Variants in PSD observed in about 807,000 individuals in gnomAD.
PSD encodes PH and SEC7 domain-containing protein 1.
Under a neutral mutation model 91.6 loss-of-function variants are expected in PSD, and 32 were observed. The observed-to-expected ratio is 0.35, with a 90% confidence interval of 0.26 to 0.47. PSD has a LOEUF of 0.47. PSD is among the 20% of genes least tolerant of loss of function. PSD has a pLI of 1.00. For synonymous variants in PSD, 532 were observed against 569.3 expected (o/e 0.93, Z 0.93); for missense variants, 1,099 against 1,373.9 (o/e 0.80, Z 3.16).
rs1222572823 is a variant in PSD at position 102,404,779 on chromosome 10, G to A, written c.2556-52C>T. 2.6e-6 allele frequency: 4 copies of A among 1,555,616 alleles called. No homozygotes were observed. Among genetic ancestry groups the A allele is most frequent in the Middle Eastern group, 1.7e-4 (1 of 5,770 alleles). On this transcript the variant is annotated intron_variant, in intron 14 of 16. Transcript: ENST00000020673. This position sits in a 1 kb window ranked among gnomAD's most constrained non-coding sequence, Gnocchi z 5.7. ...ACCTGGGCCCAGGGTTTCTGTCCCAGGATGCCAGTCCTGGCTCAAGTGTGG... is the reference window on the plus strand; with the variant it reads ...ACCTGGGCCCAGGGTTTCTGTCCCAAGATGCCAGTCCTGGCTCAAGTGTGG...
In PSD at chr10:102,403,572, G is replaced by T. The variant is rs2061312839; in HGVS notation, c.2845-142C>A. The T allele has an allele frequency of 1.4e-5, 12 of 884,140 alleles. No homozygotes were observed. The South Asian group carries it at 1.8e-4, about 13-fold the overall frequency. 54.8% of individuals were successfully genotyped at this position (884,140 alleles called of 1,614,324 possible). A position where few individuals can be genotyped will look rare whatever the true frequency, so the allele number is the denominator to read the frequency against. On this transcript the variant is annotated intron_variant, in intron 16 of 16. Coordinates refer to ENST00000020673, the MANE Select transcript of PSD (RefSeq NM_002779.5). This position sits in a 1 kb window ranked among gnomAD's most constrained non-coding sequence, Gnocchi z 6.7. ...GTGAGATGGTCCCATGCGGGCTGGT[G>T]CCCCCTCTGGGCTCTCCTGGGACCA...
At chr10:102,412,059 G>A (rs1354278890) in intron 7 of PSD, 88 bp downstream of exon 7, 13 of 1,367,888 alleles carry the variant, frequency 9.5e-6, no homozygotes, top group African/African-American at 1.4e-5. Flanking sequence ...ACGGCTTGTG[G>A]GGGACAGAGG....
intron 11 of PSD, among the ~76,000 whole-genome samples, chr10:102,406,856 T>G (rs533591330): frequency 6.6e-6 from 1 of 152,208 alleles, no homozygotes; most frequent in Non-Finnish European, 1.5e-5. Flanking sequence ...CATGGTTACT[T>G]GTTTTGTTCT....
In PSD at chr10:102,411,050, C is replaced by G; in HGVS notation, c.2001+8G>C. 6.2e-7 allele frequency: 1 copy of G among 1,613,128 alleles called. No homozygotes were observed. Among genetic ancestry groups the G allele is most frequent in the East Asian group, 2.2e-5 (1 of 44,848 alleles). On this transcript the variant is annotated splice_region_variant and intron_variant, in intron 9 of 16. Transcript: ENST00000020673. ...TTTTCCGGCTCCTGCCCGCCCGCCT[C>G]CACTCACATGGCCGTGGAGATCCGT...
chr10:102,414,755 C>T lies in PSD; in HGVS notation c.1124+108G>A, dbSNP rs1192158012. 1.4e-6 allele frequency: 2 copies of T among 1,404,608 alleles called. No homozygotes were observed. Among genetic ancestry groups the T allele is most frequent in the Non-Finnish European group, 9.4e-7 (1 of 1,060,446 alleles). The allele number at this position is 1,404,608 out of a possible 1,614,324, so 87.0% of individuals were successfully genotyped here. On this transcript the variant is annotated intron_variant, in intron 4 of 16. Transcript: ENST00000020673. The surrounding 1 kb of genome is among the most constrained non-coding windows in gnomAD (Gnocchi z 5.6). Reference sequence around the variant, plus strand: ...GCTATACACACTGCCCCGCCAGCCCCACACCCATCTCTATCCCAGGCCCTT... The same window carrying T: ...GCTATACACACTGCCCCGCCAGCCCTACACCCATCTCTATCCCAGGCCCTT...
chr10:102,411,625 T>C (rs2061425590), intron 8 of PSD, 82 bp downstream of exon 8: 1 of 1,009,526 alleles, frequency 9.9e-7, no homozygotes, highest in African/African-American at 1.6e-5. Context: ...CACACACTCA[T>C]GCTCCTGTAC....
upstream of PSD, chr10:102,418,970 G>T: frequency 2.9e-6 from 1 of 343,968 alleles, no homozygotes; most frequent in East Asian, 7.8e-5. Flanking sequence ...ACAAGGAGGA[G>T]GGCGCATGGA....
Position 102,416,039 on chromosome 10 carries a change from G to C in PSD, c.735C>G (p.Gly245=), listed in dbSNP as rs2061475425. The C allele has an allele frequency of 6.2e-7, 1 of 1,613,462 alleles. No homozygotes were observed. The highest frequency in any genetic ancestry group is 2.2e-5 in the East Asian group (1 of 44,872). ...IARAKWEFFY[G]SLDPPSSGAK... ...TACCTGAGCTGGGGGGGTCCAAGGA[G>C]CCATAGAAGAATTCCCATTTGGCTC... The change falls in exon 3 of 17, where the codon GGC becomes GGG. Residue 245 remains glycine, a synonymous_variant. Coordinates refer to ENST00000020673, the MANE Select transcript of PSD (RefSeq NM_002779.5). The surrounding 1 kb of genome is among the most constrained non-coding windows in gnomAD (Gnocchi z 6.0).
chr10:102,413,422 T>A (rs1202594870), intron 5 of PSD, among the ~76,000 whole-genome samples: 3 of 152,094 alleles, frequency 2.0e-5, no homozygotes, highest in African/African-American at 7.2e-5. Flanking sequence ...GCCTTCAGGC[T>A]GGGTGAGGGT....
In PSD at chr10:102,403,383, CT is replaced by C; in HGVS notation, c.2891del (p.Lys964ArgfsTer77). The stretch of plus-strand genomic sequence containing the variant: ...CTGCATCCAGCTCCTCACTGCCTGC[CT>C]TCAGCTTGACCCGAAGCAGCGCTGC... Reference protein sequence around the residue: ...TYAALLRVKLKAGSEELDAVE... With the variant: ...TYAALLRVKLXAGSEELDAVE... On this transcript the variant is annotated frameshift_variant, in exon 17 of 17. Transcript: ENST00000020673. LOFTEE classifies it high-confidence loss of function. The surrounding 1 kb of genome is among the most constrained non-coding windows in gnomAD (Gnocchi z 6.7). The C allele has an allele frequency of 6.2e-7, 1 of 1,613,774 alleles. No individual in the cohort carries two copies. Among genetic ancestry groups the C allele is most frequent in the Non-Finnish European group, 8.5e-7 (1 of 1,180,010 alleles).
In PSD at chr10:102,416,308, G is replaced by A; in HGVS notation, c.654+77C>T. Reference sequence around the variant, plus strand: ...ATTAAAGGATTCAGAGTGAACAGCAGACAAGCCCATGTCTGACAGGAGGCT... The same window carrying A: ...ATTAAAGGATTCAGAGTGAACAGCAAACAAGCCCATGTCTGACAGGAGGCT... On this transcript the variant is annotated intron_variant, in intron 2 of 16. Coordinates refer to ENST00000020673, the MANE Select transcript of PSD (RefSeq NM_002779.5). This position sits in a 1 kb window ranked among gnomAD's most constrained non-coding sequence, Gnocchi z 6.0. 1 of 1,492,310 alleles carries A rather than the reference G, an allele frequency of 6.7e-7. No homozygotes were observed. 92.4% of individuals were successfully genotyped at this position (1,492,310 alleles called of 1,614,324 possible). A position where few individuals can be genotyped will look rare whatever the true frequency, so the allele number is the denominator to read the frequency against.
Position 102,410,818 on chromosome 10 carries a change from C to G in PSD, c.2091+40G>C. On this transcript the variant is annotated intron_variant, in intron 10 of 16. Coordinates refer to ENST00000020673, the MANE Select transcript of PSD (RefSeq NM_002779.5). The surrounding 1 kb of genome is among the most constrained non-coding windows in gnomAD (Gnocchi z 6.0). ...CTCCGTCGCCGACTGGGTCCTCCAT[C>G]CTTCCCCTCCAGCGACTTCTACCCT... 1 of 1,473,924 alleles carries G rather than the reference C, an allele frequency of 6.8e-7. No individual in the cohort carries two copies. The highest frequency in any genetic ancestry group is 9.5e-7 in the Non-Finnish European group (1 of 1,054,996). 91.3% of individuals were successfully genotyped at this position (1,473,924 alleles called of 1,614,324 possible). A position where few individuals can be genotyped will look rare whatever the true frequency, so the allele number is the denominator to read the frequency against.
Position 102,416,379 on chromosome 10 carries a change from G to A in PSD, c.654+6C>T. 1.3e-6 allele frequency: 2 copies of A among 1,592,506 alleles called. No individual in the cohort carries two copies. Among genetic ancestry groups the A allele is most frequent in the Non-Finnish European group, 1.7e-6 (2 of 1,170,352 alleles). ...GGGCCCAGGGAGCCCAGGGGAAGTT[G>A]CATACCTGGTTCAGGAATCCAGTGT... On this transcript the variant is annotated splice_donor_region_variant and intron_variant, in intron 2 of 16. Transcript: ENST00000020673. This position sits in a 1 kb window ranked among gnomAD's most constrained non-coding sequence, Gnocchi z 6.0.
In PSD at chr10:102,409,441, G is replaced by T. The variant is rs145091018; in HGVS notation, c.2091+1417C>A. ...CAGCGTGGGTGGCAGCTCCAGGGAG[G>T]CTGAGAGCACCGCTAGGCCTGGGGC... is the stretch of plus-strand genomic sequence containing the variant. On this transcript the variant is annotated intron_variant, in intron 10 of 16. Transcript: ENST00000020673. This position sits in a 1 kb window ranked among gnomAD's most constrained non-coding sequence, Gnocchi z 5.7. Among the ~76,000 whole-genome samples, 82 of 152,256 alleles carry T rather than the reference G, an allele frequency of 5.4e-4. 3 individuals carry two copies. The highest frequency in any genetic ancestry group is 1.7e-3 in the African/African-American group (72 of 41,562).
rs1426919001 is a variant in PSD at position 102,416,125 on chromosome 10, C to T, written c.655-6G>A. 1 of 1,603,832 alleles carries T rather than the reference C, an allele frequency of 6.2e-7. No homozygotes were observed. Among genetic ancestry groups the T allele is most frequent in the South Asian group, 1.1e-5 (1 of 90,348 alleles). The stretch of plus-strand genomic sequence containing the variant: ...GGGGAGGACCAGGTATCCCCCTGAG[C>T]CAACGAGGGAGACACAGGCACCCAG... On this transcript the variant is annotated splice_region_variant and splice_polypyrimidine_tract_variant and intron_variant, in intron 2 of 16. Transcript: ENST00000020673. The surrounding 1 kb of genome is among the most constrained non-coding windows in gnomAD (Gnocchi z 6.0).
rs954787198 is a variant in PSD at position 102,404,110 on chromosome 10, A to T, written c.2701-125T>A. 9 of 1,215,406 alleles carry T rather than the reference A, an allele frequency of 7.4e-6. No homozygotes were observed. Among genetic ancestry groups the T allele is most frequent in the Non-Finnish European group, 8.8e-6 (8 of 909,744 alleles). The allele number at this position is 1,215,406 out of a possible 1,614,324, so 75.3% of individuals were successfully genotyped here. A position where few individuals can be genotyped will look rare whatever the true frequency, so the allele number is the denominator to read the frequency against. On this transcript the variant is annotated intron_variant, in intron 15 of 16. Transcript: ENST00000020673. This position sits in a 1 kb window ranked among gnomAD's most constrained non-coding sequence, Gnocchi z 5.7. ...ACGCCTGTAATCCCAGCACTTTGGG[A>T]GGCCAAGGCGGGCGGATCACGAGGT...
Position 102,403,566 on chromosome 10 carries a change from G to A in PSD, c.2845-136C>T. 3 of 906,268 alleles carry A rather than the reference G, an allele frequency of 3.3e-6. No individual in the cohort carries two copies. The highest frequency in any genetic ancestry group is 2.7e-5 in the East Asian group (1 of 37,520). 56.1% of individuals were successfully genotyped at this position (906,268 alleles called of 1,614,324 possible). On this transcript the variant is annotated intron_variant, in intron 16 of 16. Transcript: ENST00000020673. This position sits in a 1 kb window ranked among gnomAD's most constrained non-coding sequence, Gnocchi z 6.7. The stretch of plus-strand genomic sequence containing the variant: ...AGGACTGTGAGATGGTCCCATGCGG[G>A]CTGGTGCCCCCTCTGGGCTCTCCTG...
At chr10:102,408,295 GTC>G (rs1358740979) in intron 10 of PSD, among the ~76,000 whole-genome samples, 5 of 152,204 alleles carry the variant, frequency 3.3e-5, no homozygotes, top group Admixed American at 2.0e-4. Flanking sequence ...ACAAACCACA[GTC>G]TCTGACTCTC....
At chr10:102,411,565 C>A in intron 8 of PSD, 142 bp downstream of exon 8, 1 of 688,528 alleles carries the variant, frequency 1.5e-6, no homozygotes, top group South Asian at 1.6e-5. Flanking sequence ...GCTGTCTGCA[C>A]ACATGCAAGT....
Sources: allele counts gnomAD v4.1 joint callset (sites outside exome capture counted in the v4.1 genomes callset), GRCh38; gene constraint gnomAD v4.1.1; non-coding constraint Gnocchi (gnomAD v3.1); transcripts MANE v1.5; gene names NCBI Gene and HGNC (gene_info 2026-07-23, HGNC 2026-07-21).